The following RANBP17 variants were observed in gnomAD, a reference collection of about 807,000 sequenced individuals.
The protein encoded by RANBP17 is RAN binding protein 17, also known as ran-binding protein 17.
Under a neutral mutation model 141.2 loss-of-function variants are expected in RANBP17, and 158 were observed. That is an observed-to-expected ratio of 1.12 (90% CI 0.98 to 1.28). RANBP17 has a LOEUF of 1.28. RANBP17 is among the 50% of genes most tolerant of loss of function. RANBP17 has a pLI of 0.00. For synonymous variants in RANBP17, 430 were observed against 450.0 expected, an observed-to-expected ratio of 0.96 and a Z score of 0.56; for missense variants, 1,438 against 1,290.7, an observed-to-expected ratio of 1.11 and a Z score of -1.75.
At chr5:170,913,320 A>G (rs1771683689) in intron 7 of RANBP17, among the ~76,000 whole-genome samples, 1 of 151,974 alleles carries the variant, frequency 6.6e-6, no homozygotes, top group African/African-American at 2.4e-5. Flanking sequence ...AACCAGTTCA[A>G]GTTGAAGGCT....
chr5:171,062,664 CTT>C (rs1337351060), intron 14 of RANBP17, among the ~76,000 whole-genome samples: 6 of 152,110 alleles, frequency 3.9e-5, no homozygotes, highest in Non-Finnish European at 7.3e-5. Context: ...CGAGGGGTAT[CTT>C]TGTAGCGTTC....
chr5:170,903,943 GCCT>G (rs1354056965), intron 5 of RANBP17: 2 of 522,114 alleles, frequency 3.8e-6, no homozygotes, highest in East Asian at 1.0e-4. Context: ...CTTGTATCAA[GCCT>G]AACACCTCTA....
At chr5:171,012,966 C>T (rs1410015597) in intron 14 of RANBP17, among the ~76,000 whole-genome samples, 1 of 152,138 alleles carries the variant, frequency 6.6e-6, no homozygotes, top group Non-Finnish European at 1.5e-5. Context: ...CATCTGTCAG[C>T]TTTTCAGTTA....
chr5:171,213,769 A>G, intron 21 of RANBP17, 31 bp downstream of exon 21: 1 of 1,459,046 alleles, frequency 6.9e-7, no homozygotes, highest in Non-Finnish European at 9.6e-7. Context: ...TGAGAAAAAC[A>G]GTCTACTATT....
intron 12 of RANBP17, among the ~76,000 whole-genome samples, chr5:170,942,306 G>A (rs1319667396): frequency 6.6e-6 from 1 of 151,910 alleles, no homozygotes; most frequent in Non-Finnish European, 1.5e-5. Context: ...TACACAAAAT[G>A]TACAATAATA....
intron 7 of RANBP17, 59 bp downstream of exon 7, chr5:170,911,193 T>C (rs1771499769): frequency 6.9e-7 from 1 of 1,459,236 alleles, no homozygotes; most frequent in Admixed American, 1.8e-5. Context: ...TTAAGCAATA[T>C]AGTTTCTGTA....
At chr5:171,225,930 G>A (rs1054738914) in intron 22 of RANBP17, among the ~76,000 whole-genome samples, 1 of 152,098 alleles carries the variant, frequency 6.6e-6, no homozygotes, top group Non-Finnish European at 1.5e-5. Flanking sequence ...TACAGCTCAG[G>A]GTCAGCAATG....
At chr5:170,926,654 A>T (rs1014629560) in intron 12 of RANBP17, among the ~76,000 whole-genome samples, 2 of 151,886 alleles carry the variant, frequency 1.3e-5, no homozygotes, top group African/African-American at 4.8e-5. Flanking sequence ...GATTTTGATT[A>T]ATTCACAAAA....
chr5:171,201,723 T>C (rs1762306244), intron 19 of RANBP17, among the ~76,000 whole-genome samples: 1 of 152,228 alleles, frequency 6.6e-6, no homozygotes, highest in Admixed American at 6.5e-5. Context: ...GAAAACTTGG[T>C]GCTTTAAGCT....
chr5:171,121,582 A>T (rs1209180986), intron 14 of RANBP17, among the ~76,000 whole-genome samples: 1 of 152,202 alleles, frequency 6.6e-6, no homozygotes, highest in African/African-American at 2.4e-5. Flanking sequence ...AGGGCAGAAC[A>T]TGCAGCAGTT....
At chr5:171,181,717 A>AT (rs1200180388) in intron 16 of RANBP17, among the ~76,000 whole-genome samples, 6 of 152,118 alleles carry the variant, frequency 3.9e-5, no homozygotes, top group Admixed American at 1.3e-4. Flanking sequence ...AAATTATTTA[A>AT]TTTTTTTTAG....
intron 25 of RANBP17, among the ~76,000 whole-genome samples, chr5:171,284,005 GTGAA>G (rs1768010076): frequency 6.6e-6 from 1 of 152,184 alleles, no homozygotes; most frequent in South Asian, 2.1e-4. Flanking sequence ...CTGTTCTGTT[GTGAA>G]GTACGATAAT....
intron 8 of RANBP17, among the ~76,000 whole-genome samples, chr5:170,915,869 A>G (rs1218267533): frequency 6.6e-6 from 1 of 152,124 alleles, no homozygotes; most frequent in African/African-American, 2.4e-5. Flanking sequence ...GGAACTAGAT[A>G]TCATAAGCAA....
chr5:171,298,547 C>T (rs773439144), intron 27 of RANBP17, among the ~76,000 whole-genome samples: 1 of 152,196 alleles, frequency 6.6e-6, no homozygotes, highest in Non-Finnish European at 1.5e-5. Context: ...TTAGTGGCAA[C>T]CCTGTTTTCC....
intron 2 of RANBP17, 47 bp downstream of exon 2, chr5:170,878,290 A>T (rs375679692): frequency 6.8e-7 from 1 of 1,466,152 alleles, no homozygotes; most frequent in Non-Finnish European, 9.2e-7. Flanking sequence ...CAGTAGATGT[A>T]TGTCATTGTT....
chr5:171,262,918 T>C (rs1156274795), intron 24 of RANBP17, among the ~76,000 whole-genome samples: 2 of 152,236 alleles, frequency 1.3e-5, no homozygotes, highest in African/African-American at 4.8e-5. Flanking sequence ...CTGTGTTAAA[T>C]GCATACGACT....
intron 14 of RANBP17, among the ~76,000 whole-genome samples, chr5:171,012,971 C>T (rs1443718482): frequency 6.6e-6 from 1 of 152,132 alleles, no homozygotes; most frequent in East Asian, 1.9e-4. Context: ...GTCAGCTTTT[C>T]AGTTAACCCA....
intron 14 of RANBP17, among the ~76,000 whole-genome samples, chr5:171,126,462 A>G (rs1756478583): frequency 6.6e-6 from 1 of 152,232 alleles, no homozygotes; most frequent in South Asian, 2.1e-4. Flanking sequence ...GGACAGAAAT[A>G]ATTCAGATCA....
At chr5:170,879,280 G>T (rs1768458254) in intron 2 of RANBP17, among the ~76,000 whole-genome samples, 1 of 152,148 alleles carries the variant, frequency 6.6e-6, no homozygotes, top group African/African-American at 2.4e-5. Context: ...GTTAAATGTT[G>T]ATATTTGCCT....
Sources: gnomAD v4.1 joint callset for allele counts (sites outside exome capture counted in the v4.1 genomes callset) on GRCh38, gnomAD v4.1.1 for gene constraint, MANE v1.5 for transcripts, NCBI Gene and HGNC (gene_info 2026-07-23, HGNC 2026-07-21) for gene names.